NCKAP5: variants seen among roughly 807,000 people sequenced by gnomAD.
NCKAP5 encodes the protein nck-associated protein 5.
Under a neutral mutation model 167.0 loss-of-function variants are expected in NCKAP5, and 92 were observed. The ratio of observed to expected loss-of-function variants is 0.55; its 90% CI spans 0.47 to 0.66. The LOEUF (loss-of-function observed/expected upper bound fraction) is 0.66. Among genes scored for constraint, NCKAP5 ranks in the 30% least tolerant of loss-of-function variants. NCKAP5 has a pLI of 0.00. For synonymous variants in NCKAP5, 891 were observed against 877.4 expected, an observed-to-expected ratio of 1.02 and a Z score of -0.27; for missense variants, 2,378 against 2,315.0, an observed-to-expected ratio of 1.03 and a Z score of -0.56.
chr2:133,625,857 G>A, the NCKAP5 span, among the ~76,000 whole-genome samples: 1 of 145,588 alleles, frequency 6.9e-6, no homozygotes, highest in Admixed American at 6.9e-5. Context: ...GGGTGATGGA[G>A]CGAGACTTGT....
chr2:133,433,868 G>T (rs139024870), intron 3 of NCKAP5: 128 of 152,218 alleles, frequency 8.4e-4, no homozygotes, highest in African/African-American at 3.0e-3. Context: ...AGTACTTTGG[G>T]ACTACAGATC....
intron 5 of NCKAP5, among the ~76,000 whole-genome samples, chr2:133,147,227 A>G (rs1250559499): frequency 6.6e-6 from 1 of 152,122 alleles, no homozygotes; most frequent in Non-Finnish European, 1.5e-5. Context: ...AAATATTAAT[A>G]CCTACTAAGC....
rs553201206 is a variant in NCKAP5, at chr2:133,101,115, A to C, written c.341+28863T>G. 7.2e-3 allele frequency among the ~76,000 whole-genome samples: 1,090 copies of C among 150,520 alleles called. 13 individuals carry two copies. The highest frequency in any genetic ancestry group is 0.025 in the African/African-American group (1,028 of 40,500). On this transcript the variant is annotated intron_variant, in intron 6 of 19. Coordinates refer to ENST00000409261, the MANE Select transcript of NCKAP5 (RefSeq NM_207363.3). ...GGAAGGGATCCAGTTTCAGCTTTCT[A>C]CATATGGCTAGCCAGTTTTCCCAGC...
intron 3 of NCKAP5, among the ~76,000 whole-genome samples, chr2:133,482,748 G>A (rs1680563182): frequency 6.6e-6 from 1 of 152,002 alleles, no homozygotes; most frequent in African/African-American, 2.4e-5. Context: ...TTACTAGTTT[G>A]TGTTCCCACC....
chr2:132,768,939 C>CTTTTT, intron 16 of NCKAP5, among the ~76,000 whole-genome samples: 1 of 116,302 alleles, frequency 8.6e-6, no homozygotes, highest in Non-Finnish European at 1.7e-5. Flanking sequence ...ACACCTGGCC[C>CTTTTT]TTTTTTTTTT....
At chr2:132,995,160 G>C (rs953543137) in intron 6 of NCKAP5, among the ~76,000 whole-genome samples, 3 of 152,012 alleles carry the variant, frequency 2.0e-5, no homozygotes, top group Admixed American at 2.0e-4. Context: ...AACTTACACT[G>C]CACTAAATCT....
intron 7 of NCKAP5, among the ~76,000 whole-genome samples, chr2:132,972,819 C>T (rs571232142): frequency 6.6e-6 from 1 of 150,822 alleles, no homozygotes; most frequent in South Asian, 2.1e-4. Context: ...GCCAATATTA[C>T]ACCACTACAC....
intron 6 of NCKAP5, among the ~76,000 whole-genome samples, chr2:133,027,432 T>A (rs1326026614): frequency 1.3e-5 from 2 of 152,236 alleles, no homozygotes; most frequent in Non-Finnish European, 2.9e-5. Context: ...AATTTCTATG[T>A]GTAGTTATCA....
intron 8 of NCKAP5, among the ~76,000 whole-genome samples, chr2:132,923,479 A>G (rs574044206): frequency 1.8e-4 from 27 of 152,192 alleles, no homozygotes; most frequent in Non-Finnish European, 2.9e-4. Context: ...TGAAATTTTC[A>G]TTGTCTTATT....
At chr2:133,090,577 A>G (rs6727893) in intron 6 of NCKAP5, among the ~76,000 whole-genome samples, 13,406 of 152,160 alleles carry the variant, frequency 0.088, 872 homozygotes, top group African/African-American at 0.18. Context: ...CACCTTGATT[A>G]CAAACATCTG....
At chr2:133,219,109 T>C (rs1296726237) in intron 4 of NCKAP5, among the ~76,000 whole-genome samples, 1 of 152,186 alleles carries the variant, frequency 6.6e-6, no homozygotes, top group African/African-American at 2.4e-5. Flanking sequence ...ACATAAAAAC[T>C]AGAAACACCG....
intron 2 of NCKAP5, among the ~76,000 whole-genome samples, chr2:133,548,063 G>C (rs1419763031): frequency 2.0e-5 from 3 of 146,812 alleles, no homozygotes; most frequent in African/African-American, 5.1e-5. Flanking sequence ...ACCAAGGCTT[G>C]AGAACTACGT....
rs755671578 is a variant in NCKAP5, at chr2:132,784,544, G to A, written c.2267C>T (p.Thr756Ile). 7.6e-6 allele frequency: 12 copies of A among 1,569,028 alleles called. No homozygotes were observed. In the Admixed American group the frequency reaches 2.2e-4, roughly 29 times the overall value. Residue 756 changes from threonine (T) to isoleucine (I), a missense_variant, in exon 14 of 20, where the codon ACT becomes ATT. Transcript: ENST00000409261. ...DNVDNVPRVS[T>I]ESFSSRTVTQ... ...CACTGTCCTGGAGCTGAAAGATTCA[G>A]TGGACACCCTGGGAACATTATCTAC... is the stretch of plus-strand genomic sequence containing the variant.
At chr2:132,922,910 A>C (rs1332828514) in intron 8 of NCKAP5, among the ~76,000 whole-genome samples, 1 of 152,172 alleles carries the variant, frequency 6.6e-6, no homozygotes, top group Admixed American at 6.5e-5. Context: ...GAATCAATAA[A>C]ATTTCAGAAT....
intron 5 of NCKAP5, among the ~76,000 whole-genome samples, chr2:133,168,464 A>G (rs1201876964): frequency 6.6e-6 from 1 of 152,040 alleles, no homozygotes; most frequent in East Asian, 1.9e-4. Context: ...TCTCAAAACC[A>G]AACAGGTTAT....
At chr2:133,201,722 T>G (rs950178243) in intron 5 of NCKAP5, among the ~76,000 whole-genome samples, 1 of 152,032 alleles carries the variant, frequency 6.6e-6, no homozygotes, top group African/African-American at 2.4e-5. Context: ...TAAAGTAAAA[T>G]GGAAAGAAAG....
intron 19 of NCKAP5, among the ~76,000 whole-genome samples, chr2:132,707,964 C>T (rs546148519): frequency 6.6e-6 from 1 of 152,178 alleles, no homozygotes; most frequent in South Asian, 2.1e-4. Flanking sequence ...CTGAAGGGAA[C>T]CCCCTGTCTT....
At chr2:133,460,497 T>C (rs1692135742) in intron 3 of NCKAP5, among the ~76,000 whole-genome samples, 1 of 152,192 alleles carries the variant, frequency 6.6e-6, no homozygotes, top group African/African-American at 2.4e-5. Flanking sequence ...ATATACTTCA[T>C]ATTGCAACTT....
intron 6 of NCKAP5, among the ~76,000 whole-genome samples, chr2:133,003,712 G>A: frequency 6.6e-6 from 1 of 152,154 alleles, no homozygotes; most frequent in Admixed American, 6.5e-5. Flanking sequence ...TTTTAATTCA[G>A]CACAAATTTT....
Sources: gnomAD v4.1 joint callset for allele counts (sites outside exome capture counted in the v4.1 genomes callset) on GRCh38, gnomAD v4.1.1 for gene constraint, MANE v1.5 for transcripts, NCBI Gene and HGNC (gene_info 2026-07-23, HGNC 2026-07-21) for gene names.